NKAIN3: variants seen among roughly 807,000 people sequenced by gnomAD.
NKAIN3 encodes sodium/potassium-transporting ATPase subunit beta-1-interacting protein 3.
Under a neutral mutation model 30.2 loss-of-function variants are expected in NKAIN3, and 25 were observed. That is an observed-to-expected ratio of 0.83 (90% CI 0.60 to 1.16). The LOEUF (loss-of-function observed/expected upper bound fraction) is 1.16. Ranked by LOEUF, NKAIN3 falls within the 50% of genes most tolerant of loss-of-function variation. The pLI is 0.00. For synonymous variants in NKAIN3, 91 were observed against 89.6 expected (o/e 1.02, Z -0.09); for missense variants, 225 against 254.1 (o/e 0.89, Z 0.78).
chr8:62,757,855 A>T (rs1816505883), intron 4 of NKAIN3, among the ~76,000 whole-genome samples: 1 of 152,196 alleles, frequency 6.6e-6, no homozygotes, highest in Non-Finnish European at 1.5e-5. Flanking sequence ...ATGCCAAGTG[A>T]AGGCCTTGGG....
chr8:62,309,165 T>A (rs1414950831), intron 1 of NKAIN3, among the ~76,000 whole-genome samples: 1 of 150,742 alleles, frequency 6.6e-6, no homozygotes, highest in Non-Finnish European at 1.5e-5. Flanking sequence ...TCATTTGCAT[T>A]TTAAGTCTGA....
chr8:62,306,635 G>A (rs1450594037), intron 1 of NKAIN3, among the ~76,000 whole-genome samples: 1 of 148,824 alleles, frequency 6.7e-6, no homozygotes, highest in Non-Finnish European at 1.5e-5. Flanking sequence ...GTATCAGTCA[G>A]CAATAGAACA....
intron 1 of NKAIN3, among the ~76,000 whole-genome samples, chr8:62,460,017 G>A (rs1384104059): frequency 1.3e-5 from 2 of 152,182 alleles, no homozygotes; most frequent in African/African-American, 4.8e-5. Context: ...AAACAGACCA[G>A]TTAGGAGGCT....
intron 1 of NKAIN3, among the ~76,000 whole-genome samples, chr8:62,384,637 C>T (rs1817370076): frequency 6.6e-6 from 1 of 152,072 alleles, no homozygotes; most frequent in Admixed American, 6.6e-5. Context: ...CCATATTGTT[C>T]AAGAATCAAT....
chr8:62,620,566 G>A (rs187607644), intron 3 of NKAIN3, among the ~76,000 whole-genome samples: 89 of 152,262 alleles, frequency 5.8e-4, no homozygotes, highest in Admixed American at 2.0e-3. Flanking sequence ...CTCCCCAAAA[G>A]AGGCAAGTGC....
intron 3 of NKAIN3, among the ~76,000 whole-genome samples, chr8:62,719,527 AAAGTTCTG>A (rs1815015661): frequency 1.3e-5 from 2 of 152,172 alleles, no homozygotes; most frequent in African/African-American, 4.8e-5. Flanking sequence ...AAAGCTTTGA[AAAGTTCTG>A]ACATGATCTA....
chr8:62,486,567 A>G (rs1050729803), intron 1 of NKAIN3, among the ~76,000 whole-genome samples: 6 of 152,200 alleles, frequency 3.9e-5, no homozygotes, highest in African/African-American at 1.4e-4. Flanking sequence ...TGAGTGGGGC[A>G]TCCCTTGCAC....
At chr8:62,714,300 A>G (rs1013839325) in intron 3 of NKAIN3, among the ~76,000 whole-genome samples, 3 of 152,042 alleles carry the variant, frequency 2.0e-5, no homozygotes, top group African/African-American at 7.2e-5. Flanking sequence ...TAGGGTACCT[A>G]ACTCAAAAAT....
intron 1 of NKAIN3, among the ~76,000 whole-genome samples, chr8:62,481,858 T>C (rs957776491): frequency 1.3e-5 from 2 of 152,198 alleles, no homozygotes; most frequent in African/African-American, 4.8e-5. Context: ...CTCCATTCAA[T>C]TGAAAATCTA....
At chr8:62,863,589 T>C in intron 4 of NKAIN3, 1 of 1,163,416 alleles carries the variant, frequency 8.6e-7, no homozygotes, top group Admixed American at 1.7e-5. Context: ...ATCCCATTCA[T>C]GCCTGAAATC....
intron 3 of NKAIN3, among the ~76,000 whole-genome samples, chr8:62,631,413 C>T (rs961725027): frequency 6.6e-6 from 1 of 152,114 alleles, no homozygotes; most frequent in African/African-American, 2.4e-5. Context: ...AAAATCTTTC[C>T]ATACCCTCCC....
chr8:62,668,782 A>C (rs1813210565), intron 3 of NKAIN3, among the ~76,000 whole-genome samples: 1 of 152,204 alleles, frequency 6.6e-6, no homozygotes, highest in South Asian at 2.1e-4. Flanking sequence ...AATATTTTTA[A>C]AATTTTAATC....
At chr8:62,679,509 T>C (rs1813585698) in intron 3 of NKAIN3, among the ~76,000 whole-genome samples, 1 of 152,186 alleles carries the variant, frequency 6.6e-6, no homozygotes, top group Non-Finnish European at 1.5e-5. Context: ...AATAAATATC[T>C]GAGACTAGGT....
chr8:62,506,808 A>G (rs1297982734), intron 1 of NKAIN3, among the ~76,000 whole-genome samples: 1 of 152,044 alleles, frequency 6.6e-6, no homozygotes, highest in Non-Finnish European at 1.5e-5. Flanking sequence ...TTTGGAATTA[A>G]AAGAGGGTGT....
chr8:62,859,507 C>CAAAAAAAAAAAAAAAAAAAAAAAAA (rs1563597734), intron 4 of NKAIN3, among the ~76,000 whole-genome samples: 5 of 9,932 alleles, frequency 5.0e-4, no homozygotes, highest in Admixed American at 2.0e-3. Context: ...CTTACTTCAA[C>CAAAAAAAAAAAAAAAAAAAAAAAAA]TAAAAAAAAA....
chr8:62,538,239 A>G (rs1028546086), intron 1 of NKAIN3, among the ~76,000 whole-genome samples: 15 of 152,212 alleles, frequency 9.9e-5, no homozygotes, highest in Non-Finnish European at 1.5e-4. Flanking sequence ...CAGTGGTGCA[A>G]TCTTGGCTCA....
intron 4 of NKAIN3, among the ~76,000 whole-genome samples, chr8:62,768,355 G>A (rs1161454108): frequency 1.3e-5 from 2 of 152,144 alleles, no homozygotes; most frequent in Non-Finnish European, 2.9e-5. Context: ...TCTGCTGACA[G>A]GATACGCTAT....
intron 3 of NKAIN3, among the ~76,000 whole-genome samples, chr8:62,670,879 G>GCACA (rs57917158): frequency 0.3 from 41,866 of 141,624 alleles, 7,118 homozygotes; most frequent in Non-Finnish European, 0.39. Flanking sequence ...ACACATACAA[G>GCACA]CACACACACA....
At chr8:62,269,262 G>A (rs1272374715) in intron 1 of NKAIN3, among the ~76,000 whole-genome samples, 1 of 152,088 alleles carries the variant, frequency 6.6e-6, no homozygotes, top group African/African-American at 2.4e-5. Context: ...AGGCTTTCCT[G>A]GGCTATGAAA....
Sources: gnomAD v4.1 joint callset for allele counts (sites outside exome capture counted in the v4.1 genomes callset) on GRCh38, gnomAD v4.1.1 for gene constraint, MANE v1.5 for transcripts, NCBI Gene and HGNC (gene_info 2026-07-23, HGNC 2026-07-21) for gene names.